Variants in GPR158 observed in about 807,000 individuals in gnomAD.
GPR158 encodes the protein G protein-coupled receptor 158, also known as metabotropic glycine receptor.
A neutral mutation model predicts 78.2 loss-of-function variants in GPR158; 30 were observed. The ratio of observed to expected loss-of-function variants is 0.38; its 90% confidence interval spans 0.29 to 0.52. The LOEUF is 0.52. GPR158 is among the 20% of genes least tolerant of loss of function. GPR158 has a pLI of 0.83. For missense variants in GPR158, 1,463 were observed against 1,523.5 expected (o/e 0.96, Z 0.66); for synonymous variants, 581 against 591.1 (o/e 0.98, Z 0.25).
At chr10:25,315,773 C>G (rs968844393) in intron 2 of GPR158, among the ~76,000 whole-genome samples, 7 of 151,830 alleles carry the variant, frequency 4.6e-5, no homozygotes, top group African/African-American at 1.7e-4. Flanking sequence ...CAGCAGTTGC[C>G]TTTTGAAATA....
intron 7 of GPR158, among the ~76,000 whole-genome samples, chr10:25,574,888 G>GAAAT (rs554703192): frequency 1.3e-5 from 2 of 151,702 alleles, no homozygotes; most frequent in East Asian, 3.9e-4. Flanking sequence ...TTGTCTCAAA[G>GAAAT]AAATAAAAAA....
At chr10:25,525,523 C>T (rs1275413349) in intron 5 of GPR158, among the ~76,000 whole-genome samples, 2 of 152,060 alleles carry the variant, frequency 1.3e-5, no homozygotes, top group East Asian at 3.9e-4. Context: ...TATGGATGAA[C>T]TTTGAAAACA....
intron 4 of GPR158, among the ~76,000 whole-genome samples, chr10:25,453,895 A>G (rs1835256479): frequency 6.6e-6 from 1 of 152,042 alleles, no homozygotes; most frequent in Non-Finnish European, 1.5e-5. Flanking sequence ...TTGACTTGTA[A>G]TTGCTTTAGC....
At chr10:25,186,831 C>T (rs1852694364) in intron 1 of GPR158, among the ~76,000 whole-genome samples, 2 of 152,056 alleles carry the variant, frequency 1.3e-5, no homozygotes, top group South Asian at 2.1e-4. Context: ...TGAAACTATT[C>T]CAATCAGTAG....
chr10:25,177,709 C>G (rs750024120), intron 1 of GPR158, among the ~76,000 whole-genome samples: 1 of 152,182 alleles, frequency 6.6e-6, no homozygotes, highest in Non-Finnish European at 1.5e-5. Context: ...ATCCAGTTAT[C>G]AAGTTTTGTA....
At chr10:25,594,539 G>T in intron 9 of GPR158, 142 bp downstream of exon 9, 1 of 468,938 alleles carries the variant, frequency 2.1e-6, no homozygotes, top group African/African-American at 2.0e-5. Flanking sequence ...GAAACTGGCT[G>T]TTTTCTCTTT....
At chr10:25,349,504 G>A (rs12261120) in intron 2 of GPR158, among the ~76,000 whole-genome samples, 1,520 of 146,620 alleles carry the variant, frequency 0.01, 330 homozygotes, top group African/African-American at 0.04. Flanking sequence ...CCCCCTTGCT[G>A]TTCTCATAAT....
chr10:25,221,213 T>A (rs1183694447), intron 2 of GPR158, 56 bp downstream of exon 2: 3 of 896,452 alleles, frequency 3.3e-6, no homozygotes, highest in South Asian at 1.5e-5. Flanking sequence ...ATTTTGAATA[T>A]GTTATATTTG....
intron 2 of GPR158, among the ~76,000 whole-genome samples, chr10:25,322,990 A>G (rs1361765075): frequency 6.6e-6 from 1 of 151,882 alleles, no homozygotes; most frequent in South Asian, 2.1e-4. Context: ...GGGACTACAG[A>G]TGCCCGCCAC....
chr10:25,543,101 G>T (rs1485316698), intron 5 of GPR158, among the ~76,000 whole-genome samples: 1 of 152,028 alleles, frequency 6.6e-6, no homozygotes, highest in Non-Finnish European at 1.5e-5. Context: ...TTCTACCACA[G>T]CAATACTTTT....
chr10:25,591,762 A>C (rs1292864956), intron 8 of GPR158, among the ~76,000 whole-genome samples: 1 of 152,078 alleles, frequency 6.6e-6, no homozygotes, highest in Non-Finnish European at 1.5e-5. Context: ...TTCTGCCTAG[A>C]TTGGATCAGA....
intron 6 of GPR158, among the ~76,000 whole-genome samples, chr10:25,561,688 T>C (rs1836862590): frequency 6.7e-6 from 1 of 150,160 alleles, no homozygotes; most frequent in African/African-American, 2.4e-5. Context: ...TTCAAAGGAG[T>C]GGTTTAGGGA....
At chr10:25,488,462 T>C (rs1835761843) in intron 5 of GPR158, among the ~76,000 whole-genome samples, 1 of 152,194 alleles carries the variant, frequency 6.6e-6, no homozygotes, top group African/African-American at 2.4e-5. Flanking sequence ...TTATTTGTAT[T>C]TCTACATTTT....
chr10:25,300,520 AG>A (rs1854577265), intron 2 of GPR158, among the ~76,000 whole-genome samples: 1 of 152,024 alleles, frequency 6.6e-6, no homozygotes, highest in Non-Finnish European at 1.5e-5. Context: ...TCTGGGTATT[AG>A]GGTGTGGGCA....
chr10:25,175,685 G>A lies in GPR158; in HGVS notation c.265G>A (p.Gly89Arg), dbSNP rs1190952661. The A allele has an allele frequency of 1.9e-6, 3 of 1,611,328 alleles. No homozygotes were observed. The highest frequency in any genetic ancestry group is 2.5e-6 in the Non-Finnish European group (3 of 1,179,928). The change falls in exon 1 of 11, where the codon GGG (glycine) becomes AGG (arginine). Residue 89 changes from glycine (G) to arginine (R), a missense_variant. By Grantham distance (125) the Gly-to-Arg change is moderately radical. Coordinates refer to ENST00000376351, the MANE Select transcript of GPR158 (RefSeq NM_020752.3). This position sits in a 1 kb window ranked among gnomAD's most constrained non-coding sequence, Gnocchi z 6.4. ...GGACGTGGCCTCTTACCTCTACACC[G>A]GGGACTCCCACCAGCTGAAGCGAGC... ...PMDVASYLYT[G>R]DSHQLKRANC...
At chr10:25,411,898 C>T (rs1035647984) in intron 3 of GPR158, among the ~76,000 whole-genome samples, 51 of 132,608 alleles carry the variant, frequency 3.8e-4, no homozygotes, top group Non-Finnish European at 3.2e-4. Context: ...CGCGCCACTG[C>T]ACTCCAGCCT....
chr10:25,310,053 G>A (rs1438409471), intron 2 of GPR158, among the ~76,000 whole-genome samples: 4 of 152,096 alleles, frequency 2.6e-5, no homozygotes, highest in Non-Finnish European at 5.9e-5. Flanking sequence ...TTAAGTCTTT[G>A]ATTCATTTTG....
At chr10:25,450,392 TTTTTTTTA>T (rs755022369) in intron 4 of GPR158, among the ~76,000 whole-genome samples, 3,056 of 43,254 alleles carry the variant, frequency 0.071, 105 homozygotes, top group African/African-American at 0.21. Context: ...TTTTTTTTTT[TTTTTTTTA>T]AACCTTAAAT....
intron 5 of GPR158, among the ~76,000 whole-genome samples, chr10:25,487,553 G>A (rs1222512171): frequency 6.6e-6 from 1 of 152,136 alleles, no homozygotes; most frequent in African/African-American, 2.4e-5. Context: ...TGTGGATAGT[G>A]GAGCCAGACT....
Sources: allele counts gnomAD v4.1 joint callset (sites outside exome capture counted in the v4.1 genomes callset), GRCh38; gene constraint gnomAD v4.1.1; non-coding constraint Gnocchi (gnomAD v3.1); transcripts MANE v1.5; gene names NCBI Gene and HGNC (gene_info 2026-07-23, HGNC 2026-07-21).